RNF149: variants seen among roughly 807,000 people sequenced by gnomAD.
The protein encoded by RNF149 is E3 ubiquitin-protein ligase RNF149.
A neutral mutation model predicts 39.0 loss-of-function variants in RNF149; 21 were observed. The observed-to-expected ratio is 0.54, with a 90% confidence interval of 0.38 to 0.77. The LOEUF (loss-of-function observed/expected upper bound fraction) is 0.77, where lower values mean the gene tolerates loss of function less well. Among genes scored for constraint, RNF149 ranks in the 30% least tolerant of loss-of-function variants. RNF149 has a pLI of 0.00. For missense variants in RNF149, 493 were observed against 534.9 expected, an observed-to-expected ratio of 0.92 and a Z score of 0.77; for synonymous variants, 209 against 213.6, an observed-to-expected ratio of 0.98 and a Z score of 0.19.
downstream of RNF149, chr2:101,271,730 A>G (rs958470005): frequency 6.6e-6 from 1 of 152,196 alleles, no homozygotes; most frequent in African/African-American, 2.4e-5. Flanking sequence ...TCTAGCTTTA[A>G]TATCTTCAAA....
intron 4 of RNF149, among the ~76,000 whole-genome samples, chr2:101,286,741 T>C (rs1682808698): frequency 6.6e-6 from 1 of 152,234 alleles, no homozygotes; most frequent in African/African-American, 2.4e-5. Context: ...GGCTAACTTT[T>C]CCTCCTGTGT....
chr2:101,296,646 A>G (rs1407522950), intron 1 of RNF149, among the ~76,000 whole-genome samples: 1 of 152,180 alleles, frequency 6.6e-6, no homozygotes, highest in Non-Finnish European at 1.5e-5. Context: ...GCAACTGGGT[A>G]TCATCAGTGC....
rs141967703 is a variant in RNF149 at position 101,289,857 on chromosome 2, T to C, written c.781-802A>G. 1.1e-3 allele frequency among the ~76,000 whole-genome samples: 169 copies of C among 152,242 alleles called. 1 individual carries two copies. The highest frequency in any genetic ancestry group is 2.0e-3 in the Non-Finnish European group (135 of 68,016). ...GCACCAGACCAAGTTTGATTTTATATGCAGATATTGTTATCAAAGACTGTA... is the reference window on the plus strand; with the variant it reads ...GCACCAGACCAAGTTTGATTTTATACGCAGATATTGTTATCAAAGACTGTA... On this transcript the variant is annotated intron_variant, in intron 3 of 6. Coordinates refer to ENST00000295317, the MANE Select transcript of RNF149 (RefSeq NM_173647.4).
At position 101,277,177 on chromosome 2, in the gene RNF149, A is replaced by T; in HGVS notation, c.*61T>A. 6.3e-7 allele frequency: 1 copy of T among 1,593,092 alleles called. No individual in the cohort carries two copies. The highest frequency in any genetic ancestry group is 8.6e-7 in the Non-Finnish European group (1 of 1,167,734). The stretch of plus-strand genomic sequence containing the variant: ...ACAAATTATGTGCTAAAGTAAAAAA[A>T]ATAAAATGTCCTTTAGTTCAAGCCA... On this transcript the variant is annotated 3_prime_UTR_variant, in exon 7 of 7. Coordinates refer to ENST00000295317, the MANE Select transcript of RNF149 (RefSeq NM_173647.4).
chr2:101,296,851 T>A (rs1000215349), intron 1 of RNF149, among the ~76,000 whole-genome samples: 23 of 151,720 alleles, frequency 1.5e-4, no homozygotes, highest in African/African-American at 3.2e-4. Flanking sequence ...TTAAAAAAAA[T>A]TTTTTTTTAA....
intron 6 of RNF149, among the ~76,000 whole-genome samples, chr2:101,278,352 C>G (rs1682431295): frequency 6.6e-6 from 1 of 151,952 alleles, no homozygotes. Context: ...TCTGCATGTT[C>G]CCCAGACTGG....
chr2:101,277,209 T>A lies in RNF149; in HGVS notation c.*29A>T. 1 of 1,612,816 alleles carries A rather than the reference T, an allele frequency of 6.2e-7. No individual in the cohort carries two copies. Among genetic ancestry groups the A allele is most frequent in the Non-Finnish European group, 8.5e-7 (1 of 1,179,326 alleles). ...TGTCCTTTAGTTCAAGCCAAACTTCTGTTGGTGCCACTTCAGTGGGCACGT... is the reference window on the plus strand; with the variant it reads ...TGTCCTTTAGTTCAAGCCAAACTTCAGTTGGTGCCACTTCAGTGGGCACGT... On this transcript the variant is annotated 3_prime_UTR_variant, in exon 7 of 7. Coordinates refer to ENST00000295317, the MANE Select transcript of RNF149 (RefSeq NM_173647.4).
chr2:101,290,675 T>C (rs890884404), intron 3 of RNF149, among the ~76,000 whole-genome samples: 1 of 152,156 alleles, frequency 6.6e-6, no homozygotes, highest in Admixed American at 6.5e-5. Flanking sequence ...TATTTGAAAA[T>C]AGTTACCTCA....
At position 101,276,746 on chromosome 2, in the gene RNF149, T is replaced by C; in HGVS notation, c.*492A>G. 2.0e-6 allele frequency: 2 copies of C among 989,426 alleles called. No homozygotes were observed. Among genetic ancestry groups the C allele is most frequent in the Non-Finnish European group, 2.4e-6 (2 of 832,248 alleles). 61.3% of individuals were successfully genotyped at this position (989,426 alleles called of 1,614,324 possible). ...CAGATGGGCAAAAAAGCTACAGACA[T>C]CTCAGTTTACAAGTTTCAAGTTCTT... On this transcript the variant is annotated 3_prime_UTR_variant, in exon 7 of 7. Transcript: ENST00000295317.
At chr2:101,302,864 C>A (rs1314918149) in intron 1 of RNF149, among the ~76,000 whole-genome samples, 2 of 152,050 alleles carry the variant, frequency 1.3e-5, no homozygotes, top group African/African-American at 4.8e-5. Context: ...CCTGTAGTCC[C>A]AGCTACGCAG....
chr2:101,284,542 T>C (rs12712093), intron 5 of RNF149, among the ~76,000 whole-genome samples: 59,811 of 151,974 alleles, frequency 0.39, 12,304 homozygotes, highest in East Asian at 0.52. Flanking sequence ...GATCACGCCA[T>C]TGAACTCCAG....
At position 101,276,512 on chromosome 2, in the gene RNF149, G is replaced by C; in HGVS notation, c.*726C>G. On this transcript the variant is annotated 3_prime_UTR_variant, in exon 7 of 7. Coordinates refer to ENST00000295317, the MANE Select transcript of RNF149 (RefSeq NM_173647.4). ...TCTGCCTACTCATTTTCCTTAACAA[G>C]GCAATGAAGAACTTAATGCTCATGT... 1 of 985,656 alleles carries C rather than the reference G, an allele frequency of 1.0e-6. No individual in the cohort carries two copies. Among genetic ancestry groups the C allele is most frequent in the Non-Finnish European group, 1.2e-6 (1 of 829,844 alleles). 61.1% of individuals were successfully genotyped at this position (985,656 alleles called of 1,614,324 possible).
intron 2 of RNF149, 79 bp downstream of exon 2, chr2:101,294,852 T>C: frequency 2.6e-6 from 3 of 1,167,730 alleles, no homozygotes; most frequent in Non-Finnish European, 3.7e-6. Flanking sequence ...TATGGTCAAA[T>C]GTAACTTCTA....
At position 101,276,592 on chromosome 2, in the gene RNF149, C is replaced by T. The variant is rs181328020; in HGVS notation, c.*646G>A. On this transcript the variant is annotated 3_prime_UTR_variant, in exon 7 of 7. Transcript: ENST00000295317. ...AGGAAAAAATAAACAGATTTCCCTCCCCAACAAGGCGTCACAAGAAATGAG... is the reference window on the plus strand; with the variant it reads ...AGGAAAAAATAAACAGATTTCCCTCTCCAACAAGGCGTCACAAGAAATGAG... 2.6e-5 allele frequency: 26 copies of T among 985,614 alleles called. No individual in the cohort carries two copies. In the East Asian group the frequency reaches 2.8e-3, roughly 108 times the overall value. 61.1% of individuals were successfully genotyped at this position (985,614 alleles called of 1,614,324 possible). A position where few individuals can be genotyped will look rare whatever the true frequency, so the allele number is the denominator to read the frequency against.
At chr2:101,273,366 T>G (rs981340899), downstream of RNF149, 1 of 470,946 alleles carries the variant, frequency 2.1e-6, no homozygotes, top group Non-Finnish European at 4.4e-6. Flanking sequence ...AGGAAGGTGA[T>G]TCATGTGGTA....
chr2:101,303,281 A>ATTTTTTTTTTT (rs57224969), intron 1 of RNF149, among the ~76,000 whole-genome samples: 1 of 135,168 alleles, frequency 7.4e-6, no homozygotes, highest in Non-Finnish European at 1.6e-5. Flanking sequence ...ACGTTGGCTC[A>ATTTTTTTTTTT]TTTTTTTTTT....
intron 1 of RNF149, among the ~76,000 whole-genome samples, chr2:101,306,612 ACT>A (rs1207726897): frequency 6.6e-6 from 1 of 151,422 alleles, no homozygotes; most frequent in African/African-American, 2.4e-5. Context: ...CTTCTGGAAG[ACT>A]CTCGCAGATC....
chr2:101,290,065 A>G lies in RNF149; in HGVS notation c.781-1010T>C, dbSNP rs552264936. On this transcript the variant is annotated intron_variant, in intron 3 of 6. Coordinates refer to ENST00000295317, the MANE Select transcript of RNF149 (RefSeq NM_173647.4). The stretch of plus-strand genomic sequence containing the variant: ...TGTGGTGGTGTGTGCCTGTAGTCCC[A>G]GCTACTCTAGAGGCTGAGGCAGGAG... Among the ~76,000 whole-genome samples the G allele has an allele frequency of 1.9e-4, 29 of 152,250 alleles. No homozygotes were observed. The South Asian group carries it at 5.0e-3, about 26-fold the overall frequency.
Position 101,308,700 on chromosome 2 carries a change from T to C in RNF149, c.-112A>G, listed in dbSNP as rs773224148. 2 of 1,025,748 alleles carry C rather than the reference T, an allele frequency of 1.9e-6. No homozygotes were observed. Among genetic ancestry groups the C allele is most frequent in the East Asian group, 6.0e-5 (2 of 33,570 alleles). The allele number at this position is 1,025,748 out of a possible 1,614,324, so 63.5% of individuals were successfully genotyped here. A position where few individuals can be genotyped will look rare whatever the true frequency, so the allele number is the denominator to read the frequency against. ...GCCGCCCTGGAAGACTGAGGCGGGG[T>C]CGGGGCCGCTGCGCACGCGCACCTG... On this transcript the variant is annotated 5_prime_UTR_variant, in exon 1 of 7. Transcript: ENST00000295317.
Sources: allele counts gnomAD v4.1 joint callset (sites outside exome capture counted in the v4.1 genomes callset), GRCh38; gene constraint gnomAD v4.1.1; transcripts MANE v1.5; gene names NCBI Gene and HGNC (gene_info 2026-07-23, HGNC 2026-07-21).